LAT2: variants seen among roughly 807,000 people sequenced by gnomAD.
LAT2 encodes linker for activation of T-cells family member 2.
Under a neutral mutation model 43.4 loss-of-function variants are expected in LAT2, and 23 were observed. That is an observed-to-expected ratio of 0.53 (90% CI 0.38 to 0.75). The LOEUF (loss-of-function observed/expected upper bound fraction) is 0.75, where lower values mean the gene tolerates loss of function less well. LAT2 is among the 30% of genes least tolerant of loss of function. LAT2 has a pLI of 0.00. For missense variants in LAT2, 284 were observed against 310.2 expected (o/e 0.92, Z 0.64); for synonymous variants, 128 against 123.2 (o/e 1.04, Z -0.26).
rs1584219937 is a variant in LAT2, at chr7:74,220,082, A to T, written c.227+74A>T. 4 of 1,576,150 alleles carry T rather than the reference A, an allele frequency of 2.5e-6. No individual in the cohort carries two copies. Among genetic ancestry groups the T allele is most frequent in the Non-Finnish European group, 3.5e-6 (4 of 1,154,786 alleles). On this transcript the variant is annotated intron_variant, in intron 6 of 13. Transcript: ENST00000460943. This position sits in a 1 kb window ranked among gnomAD's most constrained non-coding sequence, Gnocchi z 4.5. ...CCTCACCTGGTGAGCCCAGGTCAAG[A>T]CCTCCCTCCCTCCCCGAGTCCCAGA...
At chr7:74,224,494 A>T in intron 12 of LAT2, 145 bp from the exon 13 acceptor site, 1 of 721,904 alleles carries the variant, frequency 1.4e-6, no homozygotes, top group Admixed American at 2.2e-5. Flanking sequence ...TCCCAGAGAC[A>T]GGACAGACAC....
intron 13 of LAT2, chr7:74,226,386 C>T (rs1269755394): frequency 3.9e-5 from 6 of 152,406 alleles, no homozygotes; most frequent in African/African-American, 1.4e-4. Flanking sequence ...GTGGGAAGAT[C>T]ACTTGAGCCT....
At chr7:74,222,421 C>A (rs1802323395) in intron 10 of LAT2, among the ~76,000 whole-genome samples, 2 of 150,838 alleles carry the variant, frequency 1.3e-5, no homozygotes, top group African/African-American at 2.4e-5. Flanking sequence ...AAAATCCCCC[C>A]AAAAAAGGGC....
At chr7:74,225,356 C>T (rs1281449158) in intron 13 of LAT2, 1 of 152,526 alleles carries the variant, frequency 6.6e-6, no homozygotes, top group African/African-American at 2.4e-5. Context: ...ATCACATGCA[C>T]TCAACCCTGG....
chr7:74,224,985 G>C, intron 13 of LAT2: 1 of 395,730 alleles, frequency 2.5e-6, no homozygotes, highest in Non-Finnish European at 4.6e-6. Flanking sequence ...GGGCAAAGAA[G>C]TGGGCACCGG....
intron 1 of LAT2, among the ~76,000 whole-genome samples, chr7:74,214,086 GAA>G (rs1288321563): frequency 3.1e-4 from 32 of 103,824 alleles, no homozygotes; most frequent in African/African-American, 8.3e-4. Flanking sequence ...ATATATATAT[GAA>G]AAAATATATA....
chr7:74,221,603 C>T, intron 9 of LAT2, 34 bp from the exon 10 acceptor site: 1 of 1,599,818 alleles, frequency 6.3e-7, no homozygotes, highest in Non-Finnish European at 8.6e-7. Context: ...CCAGCCTGCC[C>T]TGAAACCTGT....
chr7:74,214,269 AATAT>A (rs1192686663), intron 1 of LAT2, among the ~76,000 whole-genome samples: 2 of 71,864 alleles, frequency 2.8e-5, no homozygotes, highest in South Asian at 3.9e-4. Flanking sequence ...TATATATGAA[AATAT>A]ATATATAAAT....
chr7:74,227,886 AAAG>A (rs1289264324), intron 13 of LAT2, among the ~76,000 whole-genome samples: 3 of 151,738 alleles, frequency 2.0e-5, no homozygotes, highest in Non-Finnish European at 4.4e-5. Flanking sequence ...ACAAAAACAA[AAAG>A]AAGAGGCCAG....
chr7:74,221,578 C>A lies in LAT2; in HGVS notation c.333-59C>A, dbSNP rs921075643. ...CTGGCCTCACCGCCCCCTTATGGAGCCCCCAACCCGATCTCCAGCCTGCCC... is the reference window on the plus strand; with the variant it reads ...CTGGCCTCACCGCCCCCTTATGGAGACCCCAACCCGATCTCCAGCCTGCCC... On this transcript the variant is annotated intron_variant, in intron 9 of 13. Coordinates refer to ENST00000460943, the MANE Select transcript of LAT2 (RefSeq NM_032464.3). The A allele has an allele frequency of 7.0e-6, 10 of 1,427,598 alleles. No homozygotes were observed. The African/African-American group carries it at 8.5e-5, about 12-fold the overall frequency. The allele number at this position is 1,427,598 out of a possible 1,614,324, so 88.4% of individuals were successfully genotyped here.
At chr7:74,217,101 T>C (rs1393063902) in intron 4 of LAT2, among the ~76,000 whole-genome samples, 1 of 152,096 alleles carries the variant, frequency 6.6e-6, no homozygotes, top group African/African-American at 2.4e-5. Context: ...GCTGTGGGGC[T>C]AGCCACTCTT....
intron 4 of LAT2, among the ~76,000 whole-genome samples, chr7:74,217,732 G>A (rs1190141792): frequency 6.6e-6 from 1 of 152,172 alleles, no homozygotes; most frequent in Non-Finnish European, 1.5e-5. Flanking sequence ...AACAACCCAG[G>A]CACATGGGCA....
chr7:74,213,586 G>A (rs781853274), intron 1 of LAT2, among the ~76,000 whole-genome samples: 17 of 151,746 alleles, frequency 1.1e-4, no homozygotes, highest in Non-Finnish European at 1.3e-4. Context: ...CACCACACCC[G>A]GCTAATTTTT....
intron 13 of LAT2, 191 bp downstream of exon 13, chr7:74,224,951 G>C (rs1399078169): frequency 6.3e-6 from 3 of 474,874 alleles, no homozygotes; most frequent in Non-Finnish European, 1.1e-5. Flanking sequence ...AGGGGCGTCA[G>C]GCAGGGAATT....
chr7:74,219,009 CTTTTTTTTTTTTTTTTTTTTTTTTT>C (rs781806954), intron 4 of LAT2, among the ~76,000 whole-genome samples: 10 of 48,746 alleles, frequency 2.1e-4, no homozygotes, highest in East Asian at 1.3e-3. Context: ...AGAGTGTGTG[CTTTTTTTTTTTTTTTTTTTTTTTTT>C]TTTTTTTTTT....
At position 74,220,117 on chromosome 7, in the gene LAT2, C is replaced by A; in HGVS notation, c.228-100C>A. On this transcript the variant is annotated intron_variant, in intron 6 of 13. Coordinates refer to ENST00000460943, the MANE Select transcript of LAT2 (RefSeq NM_032464.3). The surrounding 1 kb of genome is among the most constrained non-coding windows in gnomAD (Gnocchi z 4.5). ...CTCCCCGAGTCCCAGAGCTCCAGGG[C>A]TCAGCTATGAAGGCCCCACAAGGGG... The A allele has an allele frequency of 1.3e-6, 2 of 1,562,894 alleles. No homozygotes were observed. The highest frequency in any genetic ancestry group is 1.7e-6 in the Non-Finnish European group (2 of 1,144,772).
intron 1 of LAT2, among the ~76,000 whole-genome samples, chr7:74,213,225 T>TCTCTGC (rs1801790214): frequency 6.6e-6 from 1 of 151,542 alleles, no homozygotes; most frequent in Admixed American, 6.6e-5. Flanking sequence ...TTCAAGCAAT[T>TCTCTGC]CTCTGCCTCA....
At position 74,224,214 on chromosome 7, in the gene LAT2, A is replaced by G. The variant is rs1554715753; in HGVS notation, c.628+17A>G. 1 of 1,609,862 alleles carries G rather than the reference A, an allele frequency of 6.2e-7. No homozygotes were observed. The highest frequency in any genetic ancestry group is 8.5e-7 in the Non-Finnish European group (1 of 1,179,708). On this transcript the variant is annotated intron_variant, in intron 12 of 13. Transcript: ENST00000460943. ...AGGTCATGGGTAGGTGGCCGGGAGA[A>G]GAGGCAGGGTGGTCCACTTAGGGCA...
chr7:74,219,503 G>A (rs1429606652), intron 4 of LAT2, among the ~76,000 whole-genome samples: 2 of 152,198 alleles, frequency 1.3e-5, no homozygotes, highest in Non-Finnish European at 2.9e-5. Flanking sequence ...GCTGAGAGCC[G>A]GGCTCCAGCC....
Sources: allele counts gnomAD v4.1 joint callset (sites outside exome capture counted in the v4.1 genomes callset), GRCh38; gene constraint gnomAD v4.1.1; non-coding constraint Gnocchi (gnomAD v3.1); transcripts MANE v1.5; gene names NCBI Gene and HGNC (gene_info 2026-07-23, HGNC 2026-07-21).